Variants in ACOT12 observed in about 807,000 individuals in gnomAD.
The protein encoded by ACOT12 is acyl-CoA thioesterase 12.
Under a neutral mutation model 67.7 loss-of-function variants are expected in ACOT12, and 51 were observed. The ratio of observed to expected loss-of-function variants is 0.75; its 90% confidence interval spans 0.60 to 0.95. The LOEUF is 0.95. ACOT12 is among the 40% of genes least tolerant of loss of function. ACOT12 has a pLI of 0.00. For missense variants in ACOT12, 734 were observed against 708.1 expected, an observed-to-expected ratio of 1.04 and a Z score of -0.41; for synonymous variants, 251 against 244.6, an observed-to-expected ratio of 1.03 and a Z score of -0.24.
rs528678820 is a variant in ACOT12, at chr5:81,352,279, C to T, written c.497-4349G>A. Among the ~76,000 whole-genome samples the T allele has an allele frequency of 1.6e-4, 24 of 152,298 alleles. No homozygotes were observed. In the South Asian group the frequency reaches 1.9e-3, roughly 12 times the overall value. ...GGTATACACCCAAAAGAAAGGAAATCAGGATACTGAAGAGATATATGCATT... is the reference window on the plus strand; with the variant it reads ...GGTATACACCCAAAAGAAAGGAAATTAGGATACTGAAGAGATATATGCATT... On this transcript the variant is annotated intron_variant, in intron 5 of 14. Transcript: ENST00000307624.
the ACOT12 span, among the ~76,000 whole-genome samples, chr5:81,320,657 G>C: frequency 6.6e-6 from 1 of 151,796 alleles, no homozygotes; most frequent in South Asian, 2.1e-4. Context: ...CAGACTGCAT[G>C]ATAAAATCAC....
chr5:81,327,695 C>G (rs1758707721), downstream of ACOT12, among the ~76,000 whole-genome samples: 1 of 152,236 alleles, frequency 6.6e-6, no homozygotes, highest in South Asian at 2.1e-4. Flanking sequence ...CCCGCCTTGG[C>G]CTCCCAAAGT....
chr5:81,356,439 C>T (rs1030945364), intron 5 of ACOT12, among the ~76,000 whole-genome samples: 1 of 152,184 alleles, frequency 6.6e-6, no homozygotes, highest in Non-Finnish European at 1.5e-5. Flanking sequence ...GATGCCTGTG[C>T]TTTGCAGGTT....
downstream of ACOT12, among the ~76,000 whole-genome samples, chr5:81,326,710 C>T (rs933355010): frequency 6.6e-6 from 1 of 152,196 alleles, no homozygotes; most frequent in African/African-American, 2.4e-5. Flanking sequence ...CAAGCCAGGC[C>T]TCCTCTGCCC....
intron 3 of ACOT12, among the ~76,000 whole-genome samples, chr5:81,369,002 G>A (rs4703518): frequency 0.3 from 46,126 of 151,920 alleles, 7,613 homozygotes; most frequent in African/African-American, 0.43. Flanking sequence ...AAGGGGCTTC[G>A]TGTAGTGATG....
At chr5:81,327,868 C>T (rs1758711419), downstream of ACOT12, among the ~76,000 whole-genome samples, 1 of 152,184 alleles carries the variant, frequency 6.6e-6, no homozygotes, top group Admixed American at 6.5e-5. Flanking sequence ...AGAAAAAAAT[C>T]AGTGGGACTA....
chr5:81,394,099 G>C lies in ACOT12; in HGVS notation c.16C>G (p.Pro6Ala), dbSNP rs1308527458. 13 of 1,454,638 alleles carry C rather than the reference G, an allele frequency of 8.9e-6. No individual in the cohort carries two copies. Among genetic ancestry groups the C allele is most frequent in the South Asian group, 1.3e-5 (1 of 74,694 alleles). The allele number at this position is 1,454,638 out of a possible 1,614,324, so 90.1% of individuals were successfully genotyped here. ...GCTTGGCTCATGACCACCTCGCCGGGCGCCGGCCGCTCCATGGCCAGGGCG... is the reference window on the plus strand; with the variant it reads ...GCTTGGCTCATGACCACCTCGCCGGCCGCCGGCCGCTCCATGGCCAGGGCG... MERPAPGEVVMSQAIQ... is the reference protein window; with the variant it reads MERPAAGEVVMSQAIQ... Residue 6 changes from proline to alanine, a missense_variant, in exon 1 of 15, where the codon CCC becomes GCC. Physicochemically the swap from Pro to Ala is conservative, Grantham distance 27 (BLOSUM62 -1). Coordinates refer to ENST00000307624, the MANE Select transcript of ACOT12 (RefSeq NM_130767.3).
chr5:81,342,882 GT>G, intron 10 of ACOT12, 127 bp from the exon 11 acceptor site: 2 of 976,212 alleles, frequency 2.0e-6, no homozygotes, highest in Non-Finnish European at 1.5e-6. Flanking sequence ...ATAATGTTGA[GT>G]TTAGAACTAA....
intron 3 of ACOT12, among the ~76,000 whole-genome samples, chr5:81,368,878 A>G (rs1230208044): frequency 6.6e-6 from 1 of 151,952 alleles, no homozygotes; most frequent in East Asian, 1.9e-4. Flanking sequence ...ATATCATTCC[A>G]TTTATACAAA....
chr5:81,368,781 TAGAATG>T lies in ACOT12; in HGVS notation c.258+2963_258+2968del, dbSNP rs200409011. 7.4e-3 allele frequency among the ~76,000 whole-genome samples: 1,124 copies of T among 151,686 alleles called. 15 individuals are homozygous for T. Among genetic ancestry groups the T allele is most frequent in the African/African-American group, 0.026 (1,065 of 41,354 alleles). On this transcript the variant is annotated intron_variant, in intron 3 of 14. Transcript: ENST00000307624. Reference sequence around the variant, plus strand: ...AAAGGCAAATTAAACCCAAAATAAATAGAATGAGAATAATATAATAACCAACAGCAG... The same window carrying T: ...AAAGGCAAATTAAACCCAAAATAAATAGAATAATATAATAACCAACAGCAG...
At position 81,330,297 on chromosome 5, in the gene ACOT12, A is replaced by C; in HGVS notation, c.*97T>G. 3 of 1,388,602 alleles carry C rather than the reference A, an allele frequency of 2.2e-6. No homozygotes were observed. The highest frequency in any genetic ancestry group is 2.9e-6 in the Non-Finnish European group (3 of 1,033,526). The allele number at this position is 1,388,602 out of a possible 1,614,324, so 86.0% of individuals were successfully genotyped here. ...CTGCATTTTGCTTAGGGTTATATTA[A>C]ATTATTTTGTGGCCCCAAAGCTTGA... On this transcript the variant is annotated 3_prime_UTR_variant, in exon 15 of 15. Coordinates refer to ENST00000307624, the MANE Select transcript of ACOT12 (RefSeq NM_130767.3).
At position 81,393,922 on chromosome 5, in the gene ACOT12, C is replaced by G. The variant is rs953466818; in HGVS notation, c.127+66G>C. On this transcript the variant is annotated intron_variant, in intron 1 of 14. Transcript: ENST00000307624. ...TTCCTCGCCTTCCTACCCCCCCCAG[C>G]CCCCAGCCGCCGCCGCTCCCGCAGC... 5.5e-6 allele frequency: 7 copies of G among 1,276,044 alleles called. No individual in the cohort carries two copies. In the African/African-American group the frequency reaches 1.1e-4, roughly 20 times the overall value. The allele number at this position is 1,276,044 out of a possible 1,614,324, so 79.0% of individuals were successfully genotyped here.
At chr5:81,335,275 C>A (rs187705153) in intron 12 of ACOT12, among the ~76,000 whole-genome samples, 1 of 152,166 alleles carries the variant, frequency 6.6e-6, no homozygotes, top group Non-Finnish European at 1.5e-5. Context: ...GTGTGTAAAG[C>A]AGGTCAACTC....
At position 81,388,624 on chromosome 5, in the gene ACOT12, C is replaced by T. The variant is rs202157819; in HGVS notation, c.128-2798G>A. On this transcript the variant is annotated intron_variant, in intron 1 of 14. Coordinates refer to ENST00000307624, the MANE Select transcript of ACOT12 (RefSeq NM_130767.3). ...TTTATTTTATATAAGGCAGCCTCTG[C>T]GTAAGGTGCTGGCAATGGGAAACAG... is the stretch of plus-strand genomic sequence containing the variant. 4.2e-4 allele frequency among the ~76,000 whole-genome samples: 64 copies of T among 152,288 alleles called. No homozygotes were observed. In the East Asian group the frequency reaches 8.9e-3, roughly 21 times the overall value.
chr5:81,351,091 G>C (rs866263259), intron 5 of ACOT12, among the ~76,000 whole-genome samples: 3 of 152,268 alleles, frequency 2.0e-5, no homozygotes, highest in Non-Finnish European at 4.4e-5. Context: ...TATTTTTCCA[G>C]AAATTTTTGG....
At chr5:81,335,939 C>G (rs375160700) in intron 11 of ACOT12, 38 bp from the exon 12 acceptor site, 750 of 1,581,280 alleles carry the variant, frequency 4.7e-4, no homozygotes, top group Non-Finnish European at 6.1e-4. Context: ...CGAAAGAAAA[C>G]TGATGCTTTT....
chr5:81,362,172 T>G (rs10040257), intron 4 of ACOT12, among the ~76,000 whole-genome samples: 1 of 151,414 alleles, frequency 6.6e-6, no homozygotes, highest in Admixed American at 6.6e-5. Context: ...TCTTTTTTTT[T>G]TTTTTTTTTT....
At position 81,393,974 on chromosome 5, in the gene ACOT12, C is replaced by G; in HGVS notation, c.127+14G>C. 7.5e-7 allele frequency: 1 copy of G among 1,333,974 alleles called. No homozygotes were observed. Among genetic ancestry groups the G allele is most frequent in the Non-Finnish European group, 9.5e-7 (1 of 1,048,334 alleles). The allele number at this position is 1,333,974 out of a possible 1,614,324, so 82.6% of individuals were successfully genotyped here. ...CCGGTCCCGCGCCTCCCCGCAGCCC[C>G]GGCGCCCGCCTACCCGCCAGGCAGG... On this transcript the variant is annotated intron_variant, in intron 1 of 14. Transcript: ENST00000307624.
downstream of ACOT12, among the ~76,000 whole-genome samples, chr5:81,327,446 CTTTT>C (rs1322845210): frequency 6.6e-6 from 1 of 150,796 alleles, no homozygotes; most frequent in African/African-American, 2.4e-5. Flanking sequence ...AATGAGCTTC[CTTTT>C]TTTTTGTTGA....
Sources: gnomAD v4.1 joint callset for allele counts (sites outside exome capture counted in the v4.1 genomes callset) on GRCh38, gnomAD v4.1.1 for gene constraint, MANE v1.5 for transcripts, NCBI Gene and HGNC (gene_info 2026-07-23, HGNC 2026-07-21) for gene names.